The following MYH15 variants were observed in gnomAD, a reference collection of about 807,000 sequenced individuals.
MYH15 encodes the protein myosin-15.
A neutral mutation model predicts 240.5 loss-of-function variants in MYH15; 227 were observed. That is an observed-to-expected ratio of 0.94 (90% confidence interval 0.85 to 1.05). MYH15 has a LOEUF of 1.05. Ranked by LOEUF, MYH15 falls within the 50% of genes least tolerant of loss-of-function variation. The pLI, the probability that MYH15 is intolerant of heterozygous loss-of-function variation, is 0.00. For missense variants in MYH15, 2,217 were observed against 2,247.5 expected (o/e 0.99, Z 0.27); for synonymous variants, 785 against 796.7 (o/e 0.99, Z 0.25).
intron 21 of MYH15, among the ~76,000 whole-genome samples, chr3:108,451,460 A>G (rs984027592): frequency 6.6e-6 from 1 of 152,126 alleles, no homozygotes. Flanking sequence ...TTTTTTAATA[A>G]AAGAAAGCTT....
chr3:108,517,339 ATT>A (rs11425723), intron 1 of MYH15, among the ~76,000 whole-genome samples: 2 of 150,076 alleles, frequency 1.3e-5, no homozygotes. Flanking sequence ...CTTCTGATTA[ATT>A]TTTTTTTTGA....
intron 26 of MYH15, among the ~76,000 whole-genome samples, chr3:108,430,239 G>A (rs1335121866): frequency 6.6e-6 from 1 of 152,130 alleles, no homozygotes; most frequent in African/African-American, 2.4e-5. Flanking sequence ...TATTTATTTA[G>A]CTTCAAAGGG....
chr3:108,465,921 T>C (rs1012500909), intron 14 of MYH15, among the ~76,000 whole-genome samples: 1 of 148,362 alleles, frequency 6.7e-6, no homozygotes, highest in African/African-American at 2.4e-5. Context: ...AGAGAGACTC[T>C]GTCTCAAAAA....
intron 18 of MYH15, among the ~76,000 whole-genome samples, chr3:108,458,873 GA>G (rs1172427512): frequency 2.6e-5 from 4 of 152,174 alleles, no homozygotes; most frequent in Admixed American, 6.5e-5. Flanking sequence ...CTATTAGAAA[GA>G]GGGAAGAAGA....
chr3:108,384,844 A>G, intron 38 of MYH15, 62 bp from the exon 39 acceptor site: 1 of 1,410,948 alleles, frequency 7.1e-7, no homozygotes, highest in Non-Finnish European at 9.9e-7. Context: ...ACGTTGGTGT[A>G]GTCTCATGTG....
Position 108,410,589 on chromosome 3 carries a change from G to A in MYH15, c.4489C>T (p.Leu1497Phe). The change falls in exon 31 of 41, where the codon CTC (leucine) becomes TTC (phenylalanine). Residue 1497 changes from leucine to phenylalanine, a missense_variant. By Grantham distance (22) the Leu-to-Phe change is conservative. Coordinates refer to ENST00000693548, the MANE Select transcript of MYH15 (RefSeq NM_014981.3). ...QETLRRENKN[L>F]QEEISNLTNQ... ...TGAGCCCAGCTCGGTGTACCTTGGA[G>A]GTTCTTGTTCTCCCTCCTGAGTGTC... 2 of 1,588,386 alleles carry A rather than the reference G, an allele frequency of 1.3e-6. No individual in the cohort carries two copies. Among genetic ancestry groups the A allele is most frequent in the South Asian group, 1.1e-5 (1 of 89,268 alleles).
At chr3:108,442,680 C>T (rs1054219691) in intron 22 of MYH15, among the ~76,000 whole-genome samples, 2 of 151,974 alleles carry the variant, frequency 1.3e-5, no homozygotes, top group African/African-American at 4.8e-5. Flanking sequence ...TCCCCAATGG[C>T]AGCTCTCTGA....
rs765350067 is a variant in MYH15, at chr3:108,440,981, T to A, written c.2898+37A>T. The stretch of plus-strand genomic sequence containing the variant: ...CCTGATTTGAGAGTGGAATTCTGGC[T>A]GCTAGGCCTTCTTAACTAACATTAT... On this transcript the variant is annotated intron_variant, in intron 23 of 40. Transcript: ENST00000693548. 1.9e-6 allele frequency: 3 copies of A among 1,610,656 alleles called. No homozygotes were observed. The Admixed American group carries it at 5.0e-5, about 27-fold the overall frequency.
chr3:108,509,933 G>A (rs2083509009), intron 1 of MYH15, among the ~76,000 whole-genome samples: 1 of 152,108 alleles, frequency 6.6e-6, no homozygotes. Flanking sequence ...TGACCCTGCT[G>A]ACCTAGAAGA....
intron 30 of MYH15, among the ~76,000 whole-genome samples, chr3:108,411,788 G>A (rs1297826372): frequency 6.6e-6 from 1 of 152,144 alleles, no homozygotes; most frequent in Non-Finnish European, 1.5e-5. Context: ...AGAAAAAAAG[G>A]TTCTCCGGAA....
chr3:108,463,805 G>C (rs1576249399), intron 15 of MYH15, among the ~76,000 whole-genome samples: 1 of 152,092 alleles, frequency 6.6e-6, no homozygotes. Context: ...GAAGAAGGGA[G>C]AGAGATAGGG....
chr3:108,420,948 C>G, intron 28 of MYH15, 140 bp downstream of exon 28: 15 of 1,194,644 alleles, frequency 1.3e-5, no homozygotes, highest in Non-Finnish European at 1.8e-5. Context: ...TGTGGCAAAG[C>G]TGTCTCAGAG....
intron 11 of MYH15, among the ~76,000 whole-genome samples, chr3:108,477,944 A>G (rs1038721660): frequency 4.6e-5 from 7 of 152,192 alleles, no homozygotes; most frequent in African/African-American, 1.7e-4. Context: ...TATTTCAGTT[A>G]CCAACAAAAT....
chr3:108,394,149 C>T lies in MYH15; in HGVS notation c.5141G>A (p.Ser1714Asn), dbSNP rs1219203790. 5 of 1,613,994 alleles carry T rather than the reference C, an allele frequency of 3.1e-6. No homozygotes were observed. The South Asian group carries it at 4.4e-5, about 14-fold the overall frequency. Residue 1714 changes from serine to asparagine, a missense_variant, in exon 36 of 41, where the codon AGC (serine) becomes AAC (asparagine). Coordinates refer to ENST00000693548, the MANE Select transcript of MYH15 (RefSeq NM_014981.3). The stretch of plus-strand genomic sequence containing the variant: ...CAGTTTCTTCTTCTGGCTGAGGAGG[C>T]TTGTGTTCTAAAGAAAAGCAGCATT... ...RINLFYTQNT[S>N]LLSQKKKLEA...
chr3:108,435,752 G>A (rs74338723), intron 25 of MYH15, among the ~76,000 whole-genome samples: 2,244 of 145,242 alleles, frequency 0.015, 56 homozygotes, highest in African/African-American at 0.05. Flanking sequence ...GTATGTGTGT[G>A]TTTGGGATTT....
At chr3:108,458,802 T>C (rs1349410751) in intron 18 of MYH15, among the ~76,000 whole-genome samples, 4 of 151,200 alleles carry the variant, frequency 2.6e-5, no homozygotes, top group African/African-American at 9.8e-5. Context: ...CCCCTACCAC[T>C]ATTCACTGAT....
At chr3:108,518,199 C>T (rs1327122403) in intron 1 of MYH15, among the ~76,000 whole-genome samples, 1 of 152,060 alleles carries the variant, frequency 6.6e-6, no homozygotes, top group African/African-American at 2.4e-5. Flanking sequence ...TATGTAATAA[C>T]CTTTATTATA....
chr3:108,469,052 C>T (rs897755502), intron 14 of MYH15, among the ~76,000 whole-genome samples: 1 of 152,108 alleles, frequency 6.6e-6, no homozygotes, highest in African/African-American at 2.4e-5. Context: ...CCAGGAAGTT[C>T]ACTTGTTATA....
In MYH15 at chr3:108,408,334, C is replaced by A. The variant is rs900443265; in HGVS notation, c.4566G>T (p.Lys1522Asn). The A allele has an allele frequency of 4.6e-5, 75 of 1,613,508 alleles. 1 individual carries two copies. The Admixed American group carries it at 1.2e-3, about 27-fold the overall frequency. Residue 1522 changes from lysine (K) to asparagine (N), a missense_variant, in exon 32 of 41, where the codon AAG (lysine) becomes AAT (asparagine). By Grantham distance (94) the Lys-to-Asn change is moderately conservative (BLOSUM62 0). Transcript: ENST00000693548. ...TKNLTEMEKV[K>N]KLIEEEKTEV... is the part of the protein sequence containing the mutation. The stretch of plus-strand genomic sequence containing the variant: ...CTGTCTTCTCTTCTTCAATTAGTTT[C>A]TTGACCTTTTCCATTTCAGTTAAGT...
Sources: allele counts gnomAD v4.1 joint callset (sites outside exome capture counted in the v4.1 genomes callset), GRCh38; gene constraint gnomAD v4.1.1; transcripts MANE v1.5; gene names NCBI Gene and HGNC (gene_info 2026-07-23, HGNC 2026-07-21).